PTPRQ: variants seen among roughly 807,000 people sequenced by gnomAD.
PTPRQ encodes protein tyrosine phosphatase receptor type Q.
In PTPRQ, 199 loss-of-function variants were observed where a neutral mutation model predicts 246.0. The observed-to-expected ratio is 0.81, with a 90% CI of 0.72 to 0.91. The LOEUF (loss-of-function observed/expected upper bound fraction) is 0.91. PTPRQ is among the 40% of genes least tolerant of loss of function. The pLI is 0.00. For missense variants in PTPRQ, 2,624 were observed against 2,528.4 expected, an observed-to-expected ratio of 1.04 and a Z score of -0.81; for synonymous variants, 869 against 853.2, an observed-to-expected ratio of 1.02 and a Z score of -0.32.
At position 80,542,286 on chromosome 12, in the gene PTPRQ, T is replaced by G; in HGVS notation, c.3643T>G (p.Tyr1215Asp). 6.5e-7 allele frequency: 1 copy of G among 1,550,138 alleles called. No homozygotes were observed. The highest frequency in any genetic ancestry group is 8.7e-7 in the Non-Finnish European group (1 of 1,146,426). ...ILEELSPFTL[Y>D]SFFAAARTRK... ...GGAAGAGCTTTCACCATTTACATTA[T>G]ATAGCTTTTTTGCTGCCGCAAGAAC... The change falls in exon 22 of 45, where the codon TAT becomes GAT. Residue 1215 changes from tyrosine to aspartate, a missense_variant. Coordinates refer to ENST00000644991, the MANE Select transcript of PTPRQ (RefSeq NM_001145026.2).
At position 80,510,388 on chromosome 12, in the gene PTPRQ, T is replaced by C. The variant is rs765185025; in HGVS notation, c.2623T>C (p.Trp875Arg). 7 of 1,550,608 alleles carry C rather than the reference T, an allele frequency of 4.5e-6. No homozygotes were observed. Among genetic ancestry groups the C allele is most frequent in the Non-Finnish European group, 5.2e-6 (6 of 1,146,244 alleles). ...GTCTGGTGTCACGGTGAAGTTGTCATGGCAACCACCCCTGGAGCCAAATGG... is the reference window on the plus strand; with the variant it reads ...GTCTGGTGTCACGGTGAAGTTGTCACGGCAACCACCCCTGGAGCCAAATGG... ...QLSGVTVKLS[W>R]QPPLEPNGII... Residue 875 changes from tryptophan to arginine, a missense_variant, in exon 17 of 45, where the codon TGG (tryptophan) becomes CGG (arginine). Coordinates refer to ENST00000644991, the MANE Select transcript of PTPRQ (RefSeq NM_001145026.2).
chr12:80,466,599 T>G (rs1893425577), intron 6 of PTPRQ, among the ~76,000 whole-genome samples: 1 of 152,148 alleles, frequency 6.6e-6, no homozygotes, highest in African/African-American at 2.4e-5. Context: ...CTACCTGACT[T>G]TAAACTATAC....
At chr12:80,612,896 A>G (rs530633219) in intron 28 of PTPRQ, among the ~76,000 whole-genome samples, 34 of 150,684 alleles carry the variant, frequency 2.3e-4, no homozygotes, top group African/African-American at 8.2e-4. Flanking sequence ...ATGGACCTCA[A>G]GGCCATTGTG....
chr12:80,654,148 T>A (rs540863279), intron 38 of PTPRQ, among the ~76,000 whole-genome samples: 1 of 152,066 alleles, frequency 6.6e-6, no homozygotes, highest in South Asian at 2.1e-4. Flanking sequence ...CAGGCTGGAG[T>A]GCGGTAGTGC....
chr12:80,517,056 T>C (rs1895325020), intron 17 of PTPRQ, among the ~76,000 whole-genome samples: 1 of 152,292 alleles, frequency 6.6e-6, no homozygotes, highest in South Asian at 2.1e-4. Context: ...CAATGTTCTC[T>C]CTCAACTCTT....
intron 30 of PTPRQ, 25 bp downstream of exon 30, chr12:80,616,291 T>C: frequency 6.9e-7 from 1 of 1,451,950 alleles, no homozygotes; most frequent in Non-Finnish European, 9.1e-7. Context: ...TACCTTCCTA[T>C]GAAATGCTAT....
intron 33 of PTPRQ, among the ~76,000 whole-genome samples, chr12:80,623,133 T>C (rs1014118266): frequency 2.6e-5 from 4 of 152,114 alleles, no homozygotes; most frequent in African/African-American, 2.4e-5. Context: ...CAGTGTATCT[T>C]GAACTGCTAA....
chr12:80,453,071 A>G (rs1892828638), intron 3 of PTPRQ, among the ~76,000 whole-genome samples: 1 of 151,904 alleles, frequency 6.6e-6, no homozygotes, highest in Non-Finnish European at 1.5e-5. Flanking sequence ...ATTTCTTTTT[A>G]TTCTTTTTTC....
chr12:80,477,771 C>T (rs184915927), intron 8 of PTPRQ, among the ~76,000 whole-genome samples: 9 of 152,226 alleles, frequency 5.9e-5, no homozygotes, highest in South Asian at 4.1e-4. Flanking sequence ...GGGTGATGGA[C>T]GGCACCTGGA....
Position 80,444,269 on chromosome 12 carries a change from C to A in PTPRQ, c.-77C>A. The A allele has an allele frequency of 1.3e-6, 1 of 752,250 alleles. No homozygotes were observed. The highest frequency in any genetic ancestry group is 1.5e-5 in the South Asian group (1 of 64,582). 46.6% of individuals were successfully genotyped at this position (752,250 alleles called of 1,614,324 possible). ...TTGTGTACTTGCCAGAAGGATCTGTCTTTAAATCATTAATGCAGGCAACAT... is the reference window on the plus strand; with the variant it reads ...TTGTGTACTTGCCAGAAGGATCTGTATTTAAATCATTAATGCAGGCAACAT... On this transcript the variant is annotated 5_prime_UTR_variant, in exon 1 of 45. Coordinates refer to ENST00000644991, the MANE Select transcript of PTPRQ (RefSeq NM_001145026.2).
At chr12:80,479,614 G>T (rs1893958868) in intron 8 of PTPRQ, among the ~76,000 whole-genome samples, 1 of 141,938 alleles carries the variant, frequency 7.0e-6, no homozygotes, top group Non-Finnish European at 1.5e-5. Context: ...CCATCAGTGT[G>T]CTGTATTCAG....
In PTPRQ at chr12:80,619,548, A is replaced by G; in HGVS notation, c.5389+6A>G. 6.6e-7 allele frequency: 1 copy of G among 1,512,002 alleles called. No homozygotes were observed. The allele number at this position is 1,512,002 out of a possible 1,614,324, so 93.7% of individuals were successfully genotyped here. ...GCTTGTGACAGAAACAGGAGGTATC[A>G]TCACATGTCAATTTATCTTGTTAAA... On this transcript the variant is annotated splice_donor_region_variant and intron_variant, in intron 31 of 44. Coordinates refer to ENST00000644991, the MANE Select transcript of PTPRQ (RefSeq NM_001145026.2).
intron 3 of PTPRQ, among the ~76,000 whole-genome samples, chr12:80,450,938 G>T (rs1227115732): frequency 6.6e-6 from 1 of 152,204 alleles, no homozygotes; most frequent in East Asian, 1.9e-4. Context: ...GATTGGAATA[G>T]TTTCAGAAGG....
rs1901252885 is a variant in PTPRQ at position 80,679,590 on chromosome 12, A to AT, written c.*568dup. ...ACACTGCAGGGATTACTTGGCCTTT[A>AT]TACAACACACAGTAGCTCTTCAGGG... On this transcript the variant is annotated 3_prime_UTR_variant, in exon 45 of 45. Transcript: ENST00000644991. 5.9e-5 allele frequency: 9 copies of AT among 152,058 alleles called. No homozygotes were observed. The highest frequency in any genetic ancestry group is 5.9e-4 in the Admixed American group (9 of 15,230). 9.4% of individuals were successfully genotyped at this position (152,058 alleles called of 1,614,324 possible).
intron 25 of PTPRQ, among the ~76,000 whole-genome samples, chr12:80,562,313 T>A (rs1896850899): frequency 4.6e-5 from 7 of 152,200 alleles, no homozygotes; most frequent in Admixed American, 4.6e-4. Context: ...GTGAAATGAA[T>A]CTCTTCTAAT....
chr12:80,494,225 G>A (rs188282600), intron 10 of PTPRQ, among the ~76,000 whole-genome samples: 5 of 152,100 alleles, frequency 3.3e-5, no homozygotes, highest in Admixed American at 3.3e-4. Flanking sequence ...AAAATTAAGA[G>A]TCCCATGATT....
At chr12:80,533,070 A>G (rs1895889358) in intron 17 of PTPRQ, among the ~76,000 whole-genome samples, 2 of 152,202 alleles carry the variant, frequency 1.3e-5, no homozygotes, top group Admixed American at 1.3e-4. Flanking sequence ...GAAAAATATG[A>G]GATTACATGA....
chr12:80,525,298 T>A (rs1433482176), intron 17 of PTPRQ, among the ~76,000 whole-genome samples: 1 of 152,190 alleles, frequency 6.6e-6, no homozygotes, highest in Non-Finnish European at 1.5e-5. Flanking sequence ...ACTGGACTCA[T>A]CCCAAATTGG....
At position 80,471,681 on chromosome 12, in the gene PTPRQ, T is replaced by G. The variant is rs567517561; in HGVS notation, c.1040-424T>G. On this transcript the variant is annotated intron_variant, in intron 7 of 44. Transcript: ENST00000644991. ...TTTAGTAGAGACGGGGTTTCACCGT[T>G]TTAGCCGGGATGGTCTCGATCTCCT... 2.1e-4 allele frequency among the ~76,000 whole-genome samples: 31 copies of G among 149,048 alleles called. No homozygotes were observed. The East Asian group carries it at 4.7e-3, about 23-fold the overall frequency.
Sources: allele counts gnomAD v4.1 joint callset (sites outside exome capture counted in the v4.1 genomes callset), GRCh38; gene constraint gnomAD v4.1.1; transcripts MANE v1.5; gene names NCBI Gene and HGNC (gene_info 2026-07-23, HGNC 2026-07-21).